Variants in ATG10 observed in about 807,000 individuals in gnomAD.
ATG10 encodes ubiquitin-like-conjugating enzyme ATG10.
ATG10 carries 30 observed loss-of-function variants against 32.1 expected under a neutral mutation model. The observed-to-expected ratio is 0.94, with a 90% CI of 0.70 to 1.27. The LOEUF (loss-of-function observed/expected upper bound fraction) is 1.27. Among genes scored for constraint, ATG10 ranks in the 50% most tolerant of loss-of-function variants. The pLI, the probability that ATG10 is intolerant of heterozygous loss-of-function variation, is 0.00. For synonymous variants in ATG10, 87 were observed against 91.5 expected (o/e 0.95, Z 0.28); for missense variants, 233 against 262.3 (o/e 0.89, Z 0.77).
intron 2 of ATG10, among the ~76,000 whole-genome samples, chr5:82,043,363 T>A (rs1033954381): frequency 2.6e-5 from 4 of 152,168 alleles, no homozygotes; most frequent in African/African-American, 9.7e-5. Context: ...GAACCATTTT[T>A]CCTTCCTAGG....
chr5:81,985,338 C>T (rs2149663906), intron 1 of ATG10, among the ~76,000 whole-genome samples: 1 of 152,334 alleles, frequency 6.6e-6, no homozygotes, highest in East Asian at 1.9e-4. Flanking sequence ...TTAGTCTTCT[C>T]TTGCTAGTCT....
chr5:82,244,027 G>A (rs1746917488), intron 5 of ATG10, among the ~76,000 whole-genome samples: 1 of 152,076 alleles, frequency 6.6e-6, no homozygotes, highest in Non-Finnish European at 1.5e-5. Flanking sequence ...CACATAGTAG[G>A]GCCAACAATT....
intron 5 of ATG10, among the ~76,000 whole-genome samples, chr5:82,209,433 ATCTCAGAGAACTGCCTGCC>A (rs1191733679): frequency 2.1e-4 from 32 of 152,114 alleles, no homozygotes; most frequent in African/African-American, 7.0e-4. Context: ...CATTAAAGGG[ATCTCAGAGAACTGCCTGCC>A]TCTTCTGCCA....
At chr5:82,033,729 AACAC>A (rs59922803) in intron 2 of ATG10, among the ~76,000 whole-genome samples, 61,997 of 146,084 alleles carry the variant, frequency 0.42, 13,732 homozygotes, top group Admixed American at 0.54. Context: ...ATACTATACA[AACAC>A]ACACACACAC....
chr5:82,123,583 C>T (rs1766133402), intron 3 of ATG10, among the ~76,000 whole-genome samples: 1 of 151,248 alleles, frequency 6.6e-6, no homozygotes, highest in African/African-American at 2.4e-5. Flanking sequence ...TTGACTAAGG[C>T]TTTTTGAAAG....
At chr5:82,072,006 G>A (rs1298386092) in intron 3 of ATG10, among the ~76,000 whole-genome samples, 2 of 152,150 alleles carry the variant, frequency 1.3e-5, no homozygotes, top group Non-Finnish European at 2.9e-5. Context: ...AAGTTAGGCA[G>A]AAGTAAGACT....
At chr5:82,148,002 C>A (rs1001702739) in intron 3 of ATG10, 1 of 152,166 alleles carries the variant, frequency 6.6e-6, no homozygotes, top group African/African-American at 2.4e-5. Flanking sequence ...TTATTTGTAG[C>A]AGGATTGGTC....
rs143620699 is a variant in ATG10 at position 82,236,425 on chromosome 5, A to G, written c.454-16137A>G. ...ATAGTCTTGCTTAAAGCAACAATCT[A>G]TATAGACTCTATAAATATATTCAGA... On this transcript the variant is annotated intron_variant, in intron 5 of 7. Coordinates refer to ENST00000282185, the MANE Select transcript of ATG10 (RefSeq NM_031482.5). 1.8e-3 allele frequency among the ~76,000 whole-genome samples: 273 copies of G among 152,336 alleles called. 2 individuals are homozygous for G. The highest frequency in any genetic ancestry group is 0.011 in the East Asian group (56 of 5,178).
chr5:82,072,432 G>A (rs763718462), intron 3 of ATG10, among the ~76,000 whole-genome samples: 3 of 152,094 alleles, frequency 2.0e-5, no homozygotes, highest in Non-Finnish European at 4.4e-5. Flanking sequence ...TTCCTTCAGT[G>A]TAAGATCCAT....
chr5:82,005,638 G>A (rs1761970156), intron 2 of ATG10, among the ~76,000 whole-genome samples: 1 of 152,046 alleles, frequency 6.6e-6, no homozygotes. Context: ...ACTCTACCTT[G>A]CTTTCTAGAA....
At chr5:82,242,770 C>A in intron 5 of ATG10, 1 of 413,078 alleles carries the variant, frequency 2.4e-6, no homozygotes, top group Non-Finnish European at 4.8e-6. Flanking sequence ...AAAGCATTCA[C>A]AGGATTGGAC....
chr5:82,063,247 T>G (rs565158568), intron 3 of ATG10, among the ~76,000 whole-genome samples: 1 of 152,188 alleles, frequency 6.6e-6, no homozygotes, highest in African/African-American at 2.4e-5. Context: ...TAAGCCTGGG[T>G]GTTTGAGGTT....
intron 3 of ATG10, among the ~76,000 whole-genome samples, chr5:82,130,638 C>A (rs1196667586): frequency 6.6e-6 from 1 of 152,084 alleles, no homozygotes; most frequent in Admixed American, 6.6e-5. Flanking sequence ...TGAGGAGATG[C>A]CGCACTCTGC....
At chr5:82,220,125 A>T (rs986857823) in intron 5 of ATG10, among the ~76,000 whole-genome samples, 1 of 152,194 alleles carries the variant, frequency 6.6e-6, no homozygotes, top group African/African-American at 2.4e-5. Context: ...GGTCATGCAC[A>T]TGGGGAAGGG....
At chr5:82,116,777 A>T (rs760944562) in intron 3 of ATG10, among the ~76,000 whole-genome samples, 25 of 152,266 alleles carry the variant, frequency 1.6e-4, no homozygotes, top group Admixed American at 6.5e-4. Context: ...AGAAGGGAAG[A>T]TCTGAGAGAA....
intron 3 of ATG10, among the ~76,000 whole-genome samples, chr5:82,074,317 A>G (rs1409737739): frequency 1.3e-5 from 2 of 152,184 alleles, no homozygotes; most frequent in African/African-American, 4.8e-5. Flanking sequence ...CACAATGTGA[A>G]AACTTGGGAT....
chr5:82,218,094 G>A (rs1029639361), intron 5 of ATG10, among the ~76,000 whole-genome samples: 19 of 99,734 alleles, frequency 1.9e-4, no homozygotes, highest in Admixed American at 1.0e-3. Flanking sequence ...CACATCACAC[G>A]TACAGGAATT....
chr5:82,250,542 T>C (rs1012386507), intron 5 of ATG10, among the ~76,000 whole-genome samples: 2 of 152,158 alleles, frequency 1.3e-5, no homozygotes, highest in African/African-American at 4.8e-5. Flanking sequence ...GGTGTAACCC[T>C]AAGAGGGATA....
intron 5 of ATG10, among the ~76,000 whole-genome samples, chr5:82,213,649 C>T (rs1313136915): frequency 1.3e-5 from 2 of 152,190 alleles, no homozygotes; most frequent in African/African-American, 2.4e-5. Flanking sequence ...AACATCCAGC[C>T]TTGTGTGGCC....
Sources: allele counts gnomAD v4.1 joint callset (sites outside exome capture counted in the v4.1 genomes callset), GRCh38; gene constraint gnomAD v4.1.1; transcripts MANE v1.5; gene names NCBI Gene and HGNC (gene_info 2026-07-23, HGNC 2026-07-21).